The following PCCA variants were observed in gnomAD, a reference collection of about 807,000 sequenced individuals.
PCCA encodes propionyl-CoA carboxylase alpha chain, mitochondrial.
In PCCA, 74 loss-of-function variants were observed where a neutral mutation model predicts 101.3. The observed-to-expected ratio is 0.73, with a 90% CI of 0.61 to 0.89. The LOEUF is 0.89. PCCA is among the 40% of genes least tolerant of loss of function. The pLI is 0.00. For synonymous variants in PCCA, 294 were observed against 313.6 expected (o/e 0.94, Z 0.66); for missense variants, 891 against 907.0 (o/e 0.98, Z 0.23).
intron 4 of PCCA, among the ~76,000 whole-genome samples, chr13:100,153,097 A>G (rs1490187704): frequency 6.6e-6 from 1 of 152,184 alleles, no homozygotes; most frequent in African/African-American, 2.4e-5. Flanking sequence ...AAAAGTTGCA[A>G]CTTTTTGTAC....
chr13:100,506,677 T>TA (rs1359704535), intron 21 of PCCA, among the ~76,000 whole-genome samples: 1 of 152,132 alleles, frequency 6.6e-6, no homozygotes, highest in East Asian at 1.9e-4. Context: ...ACTGAGGACT[T>TA]ACATGGGAAG....
chr13:100,398,489 A>G (rs1463157386), intron 19 of PCCA, among the ~76,000 whole-genome samples: 2 of 152,182 alleles, frequency 1.3e-5, no homozygotes, highest in Admixed American at 1.3e-4. Flanking sequence ...TCAAGCATAT[A>G]AAACTTCAAC....
At chr13:100,252,079 T>C (rs990438749) in intron 8 of PCCA, among the ~76,000 whole-genome samples, 8 of 152,178 alleles carry the variant, frequency 5.3e-5, no homozygotes, top group Non-Finnish European at 1.2e-4. Flanking sequence ...GTACTATCTA[T>C]GTAATTCTCA....
chr13:100,166,564 G>A (rs1419481299), intron 6 of PCCA, among the ~76,000 whole-genome samples: 2 of 152,212 alleles, frequency 1.3e-5, no homozygotes, highest in South Asian at 2.1e-4. Context: ...CTCCCAAAGT[G>A]CTGGGATTAC....
intron 21 of PCCA, among the ~76,000 whole-genome samples, chr13:100,460,485 C>A (rs1041014687): frequency 4.6e-5 from 7 of 152,026 alleles, no homozygotes; most frequent in Admixed American, 4.6e-4. Context: ...TGGCATTCAC[C>A]CAAGGACTCT....
intron 8 of PCCA, chr13:100,237,350 G>T (rs1193576236): frequency 6.6e-6 from 1 of 152,060 alleles, no homozygotes; most frequent in Non-Finnish European, 1.5e-5. Context: ...ATAGGTCCTG[G>T]ATTTAAGACC....
chr13:100,451,739 T>TCTCTCTCTCTCTCG (rs1491418935), intron 21 of PCCA, among the ~76,000 whole-genome samples: 1 of 87,188 alleles, frequency 1.1e-5, no homozygotes, highest in African/African-American at 4.6e-5. Flanking sequence ...TCTCTCTCTC[T>TCTCTCTCTCTCTCG]TCTCTCCTTC....
At chr13:100,329,920 T>C (rs2069294628) in intron 16 of PCCA, among the ~76,000 whole-genome samples, 1 of 152,200 alleles carries the variant, frequency 6.6e-6, no homozygotes, top group Non-Finnish European at 1.5e-5. Context: ...CTGCAATGCT[T>C]GCAGCTGGCG....
intron 6 of PCCA, among the ~76,000 whole-genome samples, chr13:100,162,076 CTGTA>C (rs772536369): frequency 1.5e-4 from 20 of 130,098 alleles, no homozygotes; most frequent in African/African-American, 4.9e-4. Flanking sequence ...GCATGTGTGT[CTGTA>C]TGTGTGTGTG....
chr13:100,356,394 C>T (rs901209756), intron 18 of PCCA, among the ~76,000 whole-genome samples: 1 of 151,930 alleles, frequency 6.6e-6, no homozygotes. Flanking sequence ...ATAGGGAATT[C>T]TTACAACTTA....
At chr13:100,474,726 C>T (rs1313334073) in intron 21 of PCCA, among the ~76,000 whole-genome samples, 4 of 152,026 alleles carry the variant, frequency 2.6e-5, no homozygotes, top group Non-Finnish European at 5.9e-5. Context: ...TAGTCTCAAG[C>T]GATCCTCCCA....
At chr13:100,477,714 A>T (rs1459782863) in intron 21 of PCCA, among the ~76,000 whole-genome samples, 1 of 152,214 alleles carries the variant, frequency 6.6e-6, no homozygotes, top group African/African-American at 2.4e-5. Flanking sequence ...CAGGAATACT[A>T]TAAACAAATA....
At chr13:100,430,745 C>A (rs1484528347) in intron 20 of PCCA, among the ~76,000 whole-genome samples, 1 of 152,206 alleles carries the variant, frequency 6.6e-6, no homozygotes, top group Non-Finnish European at 1.5e-5. Flanking sequence ...GGTATAACAG[C>A]CATGCTGTGG....
intron 21 of PCCA, among the ~76,000 whole-genome samples, chr13:100,489,072 G>A (rs1030266290): frequency 3.9e-5 from 6 of 152,114 alleles, no homozygotes; most frequent in Non-Finnish European, 7.4e-5. Flanking sequence ...TTGGGAGGCC[G>A]AGGCAGGCGG....
chr13:100,319,940 ATT>A (rs1232859553), intron 16 of PCCA, among the ~76,000 whole-genome samples: 2 of 152,164 alleles, frequency 1.3e-5, no homozygotes, highest in Non-Finnish European at 2.9e-5. Flanking sequence ...TTTTCACGAT[ATT>A]AGTTCTTCCT....
chr13:100,496,451 G>A (rs982808362), intron 21 of PCCA, among the ~76,000 whole-genome samples: 1 of 151,884 alleles, frequency 6.6e-6, no homozygotes, highest in African/African-American at 2.4e-5. Context: ...GATTCATTTG[G>A]TGTTTCCTCA....
intron 7 of PCCA, among the ~76,000 whole-genome samples, chr13:100,210,192 G>C (rs2059123362): frequency 6.6e-6 from 1 of 152,180 alleles, no homozygotes; most frequent in Admixed American, 6.5e-5. Context: ...TGCCCAGGCT[G>C]GTCTCAAACT....
chr13:100,348,713 T>G (rs993324646), intron 18 of PCCA, among the ~76,000 whole-genome samples: 1 of 151,600 alleles, frequency 6.6e-6, no homozygotes, highest in Non-Finnish European at 1.5e-5. Flanking sequence ...CAGCTTTTAC[T>G]TTCCGTTTTT....
rs1488458159 is a variant in PCCA at position 100,328,661 on chromosome 13, A to T, written c.1430-1900A>T. On this transcript the variant is annotated intron_variant, in intron 16 of 23. Transcript: ENST00000376285. The stretch of plus-strand genomic sequence containing the variant: ...TTCATTTGGAGTTAATTTTTTGTCT[A>T]TGTTGTTAGGTGTTAGCGTTGAGGT... Among the ~76,000 whole-genome samples, 3 of 130,344 alleles carry T rather than the reference A, an allele frequency of 2.3e-5. No individual in the cohort carries two copies. In the East Asian group the frequency reaches 6.9e-4, roughly 30 times the overall value. 85.5% of individuals were successfully genotyped at this position (130,344 alleles called of 152,430 possible).
Sources: gnomAD v4.1 joint callset for allele counts (sites outside exome capture counted in the v4.1 genomes callset) on GRCh38, gnomAD v4.1.1 for gene constraint, MANE v1.5 for transcripts, NCBI Gene and HGNC (gene_info 2026-07-23, HGNC 2026-07-21) for gene names.